POU6F2: variants seen among roughly 807,000 people sequenced by gnomAD.
POU6F2 encodes POU domain, class 6, transcription factor 2.
In POU6F2, 31 loss-of-function variants were observed where a neutral mutation model predicts 71.3. The observed-to-expected ratio is 0.43, with a 90% confidence interval of 0.33 to 0.59. POU6F2 has a LOEUF of 0.59. Ranked by LOEUF, POU6F2 falls within the 20% of genes least tolerant of loss-of-function variation. The pLI is 0.04. For missense variants in POU6F2, 783 were observed against 856.8 expected, an observed-to-expected ratio of 0.91 and a Z score of 1.07; for synonymous variants, 347 against 355.7, an observed-to-expected ratio of 0.98 and a Z score of 0.27.
rs923136108 is a variant in POU6F2, at chr7:39,464,415, G to A, written c.1892G>A (p.Ser631Asn). ...GMQNLTEFIG[S>N]EPSKKRKRRT... ...CAGAACCTGACCGAGTTTATCGGGA[G>A]TGAACCATCCAAAAAGCGCAAGCGG... The change falls in exon 10 of 10, where the codon AGT becomes AAT. Residue 631 changes from serine to asparagine, a missense_variant. This residue lies in a region of POU6F2 where 211 missense variants were observed against 283.9 expected (regional missense o/e 0.74). Coordinates refer to ENST00000518318, the MANE Select transcript of POU6F2 (RefSeq NM_001370959.1). This position sits in a 1 kb window ranked among gnomAD's most constrained non-coding sequence, Gnocchi z 4.1. 6 of 1,614,042 alleles carry A rather than the reference G, an allele frequency of 3.7e-6. No homozygotes were observed. Among genetic ancestry groups the A allele is most frequent in the Non-Finnish European group, 4.2e-6 (5 of 1,179,902 alleles).
intron 4 of POU6F2, among the ~76,000 whole-genome samples, chr7:39,337,918 G>T (rs940432768): frequency 1.3e-5 from 2 of 152,156 alleles, no homozygotes. Flanking sequence ...TGGGACCAAG[G>T]CTCATTAGTA....
intron 7 of POU6F2, among the ~76,000 whole-genome samples, chr7:39,447,706 C>T: frequency 6.6e-6 from 1 of 152,280 alleles, no homozygotes; most frequent in East Asian, 1.9e-4. Flanking sequence ...GTTTCCCTTT[C>T]CCTCCAGGAA....
chr7:39,012,008 T>G (rs558413275), intron 1 of POU6F2, among the ~76,000 whole-genome samples: 2 of 152,044 alleles, frequency 1.3e-5, no homozygotes, highest in Non-Finnish European at 2.9e-5. Context: ...TGTCTTGGAG[T>G]TGCTCTTCTC....
In POU6F2 at chr7:39,056,648, T is replaced by TTCTC. The variant is rs56755867; in HGVS notation, c.106-29200_106-29197dup. On this transcript the variant is annotated intron_variant, in intron 1 of 9. Coordinates refer to ENST00000518318, the MANE Select transcript of POU6F2 (RefSeq NM_001370959.1). The stretch of plus-strand genomic sequence containing the variant: ...TCCTTGTTTCTCTCTCTTTCTCTTT[T>TTCTC]TCTCTCTCTCTCTCTGTGTGTGTGT... Among the ~76,000 whole-genome samples, 283 of 118,034 alleles carry TTCTC rather than the reference T, an allele frequency of 2.4e-3. 1 individual carries two copies. The highest frequency in any genetic ancestry group is 6.2e-3 in the African/African-American group (219 of 35,106). 77.4% of individuals were successfully genotyped at this position (118,034 alleles called of 152,430 possible).
chr7:39,274,319 C>T (rs1032896229), intron 4 of POU6F2, among the ~76,000 whole-genome samples: 94 of 152,206 alleles, frequency 6.2e-4, no homozygotes, highest in African/African-American at 2.2e-3. Context: ...ATAAATTCCT[C>T]AACACATACA....
chr7:39,385,344 T>C (rs1287891233), intron 5 of POU6F2, among the ~76,000 whole-genome samples: 1 of 152,198 alleles, frequency 6.6e-6, no homozygotes, highest in Non-Finnish European at 1.5e-5. Flanking sequence ...AACAAGGCAT[T>C]GCGTTCAGCA....
intron 6 of POU6F2, among the ~76,000 whole-genome samples, chr7:39,415,516 A>G (rs1367879803): frequency 6.6e-6 from 1 of 152,236 alleles, no homozygotes; most frequent in African/African-American, 2.4e-5. Context: ...GATGCCATTT[A>G]CAAACAGCTC....
At chr7:39,280,971 A>T (rs900509975) in intron 4 of POU6F2, among the ~76,000 whole-genome samples, 2 of 152,192 alleles carry the variant, frequency 1.3e-5, no homozygotes, top group Admixed American at 1.3e-4. Flanking sequence ...AATCTCCTAG[A>T]GTAGCACCAA....
intron 2 of POU6F2, among the ~76,000 whole-genome samples, chr7:39,088,249 A>T (rs901359029): frequency 6.6e-6 from 1 of 152,204 alleles, no homozygotes; most frequent in African/African-American, 2.4e-5. Flanking sequence ...GAAAGAAAGA[A>T]TAGAAAGGAT....
chr7:39,146,887 T>C (rs899304678), intron 2 of POU6F2, among the ~76,000 whole-genome samples: 6 of 152,138 alleles, frequency 3.9e-5, no homozygotes, highest in African/African-American at 1.4e-4. Flanking sequence ...AATAATTAGT[T>C]CATACCATTT....
At chr7:39,419,396 G>T (rs554471274) in intron 6 of POU6F2, among the ~76,000 whole-genome samples, 1 of 151,340 alleles carries the variant, frequency 6.6e-6, no homozygotes, top group Non-Finnish European at 1.5e-5. Context: ...GCACCATCAC[G>T]GCCCACTAAT....
chr7:39,389,179 C>G (rs1244860308), intron 5 of POU6F2, among the ~76,000 whole-genome samples: 1 of 152,138 alleles, frequency 6.6e-6, no homozygotes, highest in Non-Finnish European at 1.5e-5. Context: ...TTTCTAAACA[C>G]ATCAGTGAAA....
At chr7:39,375,695 G>A (rs1263799747) in intron 5 of POU6F2, among the ~76,000 whole-genome samples, 1 of 152,018 alleles carries the variant, frequency 6.6e-6, no homozygotes, top group Non-Finnish European at 1.5e-5. Flanking sequence ...GGGAGGGGAG[G>A]CAGAAGATAA....
rs749810621 is a variant in POU6F2, at chr7:39,056,662, C to CTG, written c.106-29184_106-29183dup. Among the ~76,000 whole-genome samples the CTG allele has an allele frequency of 7.5e-3, 848 of 113,410 alleles. 4 individuals carry two copies. Among genetic ancestry groups the CTG allele is most frequent in the South Asian group, 0.01 (33 of 3,166 alleles). The allele number at this position is 113,410 out of a possible 152,430, so 74.4% of individuals were successfully genotyped here. On this transcript the variant is annotated intron_variant, in intron 1 of 9. Coordinates refer to ENST00000518318, the MANE Select transcript of POU6F2 (RefSeq NM_001370959.1). ...TCTTTCTCTTTTTCTCTCTCTCTCT[C>CTG]TGTGTGTGTGTGTGTATGTGTGTGT...
intron 5 of POU6F2, among the ~76,000 whole-genome samples, chr7:39,380,184 T>G (rs6462914): frequency 0.17 from 25,538 of 152,110 alleles, 2,410 homozygotes; most frequent in East Asian, 0.48. Flanking sequence ...TAAAAAATTC[T>G]CTTTTATTTG....
intron 1 of POU6F2, among the ~76,000 whole-genome samples, chr7:38,994,037 T>C (rs1329081269): frequency 1.3e-5 from 2 of 152,182 alleles, no homozygotes; most frequent in Non-Finnish European, 2.9e-5. Context: ...GGCGAACCCG[T>C]CAATTTTGTT....
chr7:39,198,083 A>AAC (rs1403752372), intron 2 of POU6F2, among the ~76,000 whole-genome samples: 1 of 152,252 alleles, frequency 6.6e-6, no homozygotes, highest in Non-Finnish European at 1.5e-5. Context: ...CTCTCTGAGA[A>AAC]AAAGTATTTA....
At chr7:39,243,351 A>T (rs1331889514) in intron 4 of POU6F2, among the ~76,000 whole-genome samples, 1 of 152,048 alleles carries the variant, frequency 6.6e-6, no homozygotes, top group Non-Finnish European at 1.5e-5. Flanking sequence ...ACATACCTCC[A>T]CTGCACCCCC....
intron 2 of POU6F2, among the ~76,000 whole-genome samples, chr7:39,142,578 T>C (rs1792526307): frequency 6.6e-6 from 1 of 152,208 alleles, no homozygotes; most frequent in African/African-American, 2.4e-5. Flanking sequence ...ACAATGAAAT[T>C]AGGTTTTCCA....
Sources: gnomAD v4.1 joint callset for allele counts (sites outside exome capture counted in the v4.1 genomes callset) on GRCh38, gnomAD v4.1.1 for gene constraint, gnomAD v4.1.1 regional missense constraint, Gnocchi (gnomAD v3.1) non-coding constraint, MANE v1.5 for transcripts, NCBI Gene and HGNC (gene_info 2026-07-23, HGNC 2026-07-21) for gene names.